The following METTL8 variants were observed in gnomAD, a reference collection of about 807,000 sequenced individuals.
The protein encoded by METTL8 is methyltransferase 8, tRNA N3-cytidine.
In METTL8, 32 loss-of-function variants were observed where a neutral mutation model predicts 48.7. That is an observed-to-expected ratio of 0.66 (90% CI 0.50 to 0.88). METTL8 has a LOEUF of 0.88. METTL8 is among the 40% of genes least tolerant of loss of function. The pLI, the probability that METTL8 is intolerant of heterozygous loss-of-function variation, is 0.00. For synonymous variants in METTL8, 136 were observed against 157.1 expected (o/e 0.87, Z 1.01); for missense variants, 464 against 474.4 (o/e 0.98, Z 0.20).
In METTL8 at chr2:171,344,569, ATAAT is replaced by A. The variant is rs1219658209; in HGVS notation, c.236-5019_236-5016del. Among the ~76,000 whole-genome samples the A allele has an allele frequency of 3.9e-5, 6 of 152,374 alleles. No individual in the cohort carries two copies. In the East Asian group the frequency reaches 5.8e-4, roughly 15 times the overall value. On this transcript the variant is annotated intron_variant, in intron 3 of 9. Coordinates refer to ENST00000375258, the MANE Select transcript of METTL8 (RefSeq NM_001321154.2). ...CTTCATTAAGACAGATCAGAAATACATAATTAATTAAACTGCATACTTTAAATTA... is the reference window on the plus strand; with the variant it reads ...CTTCATTAAGACAGATCAGAAATACATAATTAAACTGCATACTTTAAATTA...
chr2:171,378,303 C>T (rs1687172626), intron 2 of METTL8, among the ~76,000 whole-genome samples: 1 of 152,162 alleles, frequency 6.6e-6, no homozygotes, highest in Non-Finnish European at 1.5e-5. Flanking sequence ...TCTGACAAGA[C>T]AGACTTTAAA....
intron 2 of METTL8, among the ~76,000 whole-genome samples, chr2:171,361,197 C>T (rs776901009): frequency 1.3e-4 from 20 of 151,020 alleles, no homozygotes; most frequent in African/African-American, 2.9e-4. Flanking sequence ...GGAATAGAAG[C>T]GACAACTGTA....
intron 3 of METTL8, among the ~76,000 whole-genome samples, chr2:171,346,556 G>A (rs1225676375): frequency 6.6e-6 from 1 of 152,146 alleles, no homozygotes; most frequent in East Asian, 1.9e-4. Flanking sequence ...CAGCATGGGA[G>A]AACAACCAGT....
intron 1 of METTL8, among the ~76,000 whole-genome samples, chr2:171,400,507 A>G (rs932199101): frequency 6.6e-6 from 1 of 152,152 alleles, no homozygotes; most frequent in African/African-American, 2.4e-5. Context: ...ATAGCAAGCA[A>G]TGCCATTGGT....
At chr2:171,386,661 T>A (rs1396723092) in intron 2 of METTL8, among the ~76,000 whole-genome samples, 1 of 151,890 alleles carries the variant, frequency 6.6e-6, no homozygotes, top group Non-Finnish European at 1.5e-5. Context: ...GTGGTCCCTT[T>A]AAATGATACA....
chr2:171,400,738 G>A (rs757112097), intron 1 of METTL8, among the ~76,000 whole-genome samples: 4 of 152,066 alleles, frequency 2.6e-5, no homozygotes, highest in Admixed American at 6.6e-5. Flanking sequence ...GGCAAAGAAC[G>A]GCTTCTTAGT....
chr2:171,359,935 T>C (rs1210317325), intron 3 of METTL8, among the ~76,000 whole-genome samples: 1 of 152,130 alleles, frequency 6.6e-6, no homozygotes, highest in Admixed American at 6.5e-5. Flanking sequence ...TTAAAAGCCA[T>C]TTATGAAGGT....
chr2:171,386,920 C>T (rs1394533236), intron 2 of METTL8, among the ~76,000 whole-genome samples: 1 of 152,074 alleles, frequency 6.6e-6, no homozygotes, highest in African/African-American at 2.4e-5. Context: ...CAGCAGGCCA[C>T]CCACCAGCAG....
At chr2:171,332,044 C>T in intron 5 of METTL8, 177 bp from the exon 6 acceptor site, 1 of 499,000 alleles carries the variant, frequency 2.0e-6, no homozygotes, top group Non-Finnish European at 3.6e-6. Flanking sequence ...CCTCACCATG[C>T]CCAGCTAATT....
chr2:171,419,522 T>G lies in METTL8; in HGVS notation c.-13+14361A>C, dbSNP rs368928201. 2.1e-3 allele frequency among the ~76,000 whole-genome samples: 320 copies of G among 152,276 alleles called. 1 individual carries two copies. Among genetic ancestry groups the G allele is most frequent in the African/African-American group, 7.4e-3 (307 of 41,550 alleles). On this transcript the variant is annotated intron_variant, in intron 1 of 9. Coordinates refer to ENST00000375258, the MANE Select transcript of METTL8 (RefSeq NM_001321154.2). Reference sequence around the variant, plus strand: ...GTTCGATTCTAGTACACCTGTATAGTGGTTTCAGAATTATTACCCCATACT... The same window carrying G: ...GTTCGATTCTAGTACACCTGTATAGGGGTTTCAGAATTATTACCCCATACT...
intron 1 of METTL8, among the ~76,000 whole-genome samples, chr2:171,408,963 A>G (rs1398581993): frequency 6.6e-6 from 1 of 152,178 alleles, no homozygotes; most frequent in African/African-American, 2.4e-5. Context: ...CACAATTTCC[A>G]CAGGGCTTTG....
chr2:171,340,947 G>A (rs1011731452), intron 3 of METTL8, among the ~76,000 whole-genome samples: 1 of 152,202 alleles, frequency 6.6e-6, no homozygotes, highest in African/African-American at 2.4e-5. Flanking sequence ...TGCATTTTAT[G>A]ATGTCATCCT....
chr2:171,409,794 G>T (rs902536683), intron 1 of METTL8, among the ~76,000 whole-genome samples: 9 of 152,168 alleles, frequency 5.9e-5, no homozygotes, highest in Non-Finnish European at 1.2e-4. Flanking sequence ...CTGATTCCTA[G>T]ACTACAGCCC....
At chr2:171,433,712 C>G (rs1249227271) in intron 1 of METTL8, among the ~76,000 whole-genome samples, 171 bp downstream of exon 1, 3 of 152,232 alleles carry the variant, frequency 2.0e-5, no homozygotes, top group African/African-American at 7.2e-5. Context: ...CAAAACCAGT[C>G]AGTGTCCCCG....
chr2:171,360,549 TC>T lies in METTL8; in HGVS notation c.144-37del, dbSNP rs758074631. On this transcript the variant is annotated intron_variant, in intron 2 of 9. Coordinates refer to ENST00000375258, the MANE Select transcript of METTL8 (RefSeq NM_001321154.2). The stretch of plus-strand genomic sequence containing the variant: ...AAAATAGACTGTAAAATATGCTTTA[TC>T]ATTGAAGAAGGCAGAAAAAAGGTGA... The T allele has an allele frequency of 1.9e-6, 3 of 1,576,844 alleles. No homozygotes were observed. The South Asian group carries it at 3.4e-5, about 18-fold the overall frequency.
intron 3 of METTL8, among the ~76,000 whole-genome samples, 177 bp downstream of exon 3, chr2:171,360,245 G>A (rs1418096151): frequency 2.0e-5 from 3 of 152,156 alleles, no homozygotes; most frequent in Admixed American, 1.3e-4. Flanking sequence ...CAATTATAGG[G>A]TGAATACAAA....
At chr2:171,380,522 C>T (rs1248852640) in intron 2 of METTL8, among the ~76,000 whole-genome samples, 1 of 152,172 alleles carries the variant, frequency 6.6e-6, no homozygotes. Context: ...CCCAAAAACT[C>T]CTTTAGCTGA....
At chr2:171,328,132 C>A (rs1031639340) in intron 7 of METTL8, among the ~76,000 whole-genome samples, 9 of 152,106 alleles carry the variant, frequency 5.9e-5, no homozygotes, top group African/African-American at 2.2e-4. Flanking sequence ...GTGAGATGGA[C>A]AAGACAGGAA....
upstream of METTL8, chr2:171,434,333 G>C (rs889520855): frequency 2.0e-5 from 14 of 696,210 alleles, no homozygotes; most frequent in Non-Finnish European, 3.3e-5. Context: ...CGGCCAGAGA[G>C]CCTGGGGCAG....
Sources: allele counts gnomAD v4.1 joint callset (sites outside exome capture counted in the v4.1 genomes callset), GRCh38; gene constraint gnomAD v4.1.1; transcripts MANE v1.5; gene names NCBI Gene and HGNC (gene_info 2026-07-23, HGNC 2026-07-21).